The following ERC2 variants were observed in gnomAD, a reference collection of about 807,000 sequenced individuals.
The protein encoded by ERC2 is ELKS/RAB6-interacting/CAST family member 2.
Under a neutral mutation model 114.8 loss-of-function variants are expected in ERC2, and 42 were observed. The ratio of observed to expected loss-of-function variants is 0.37; its 90% CI spans 0.29 to 0.47. The LOEUF (loss-of-function observed/expected upper bound fraction) is 0.47, where lower values mean the gene tolerates loss of function less well. Ranked by LOEUF, ERC2 falls within the 20% of genes least tolerant of loss-of-function variation. The probability of loss-of-function intolerance (pLI) is 0.99; values close to 1 mark genes in which losing one functional copy is unlikely to be tolerated. For missense variants in ERC2, 939 were observed against 1,150.7 expected, an observed-to-expected ratio of 0.82 and a Z score of 2.66; for synonymous variants, 454 against 425.5, an observed-to-expected ratio of 1.07 and a Z score of -0.82.
At chr3:56,460,621 A>G (rs1380011709) in intron 1 of ERC2, among the ~76,000 whole-genome samples, 1 of 152,234 alleles carries the variant, frequency 6.6e-6, no homozygotes, top group African/African-American at 2.4e-5. Flanking sequence ...CATATAACAG[A>G]GCAAACGTAT....
rs764407607 is a variant in ERC2 at position 56,139,503 on chromosome 3, C to T, written c.1473+6G>A. The T allele has an allele frequency of 6.2e-7, 1 of 1,609,556 alleles. No homozygotes were observed. Among genetic ancestry groups the T allele is most frequent in the Admixed American group, 1.7e-5 (1 of 59,414 alleles). ...TGCTGTCTAGAATCCTGAGAGAGTG[C>T]CTTACCTCAGTCTGAAGGATGGCAG... On this transcript the variant is annotated splice_donor_region_variant and intron_variant, in intron 6 of 17. Coordinates refer to ENST00000288221, the MANE Select transcript of ERC2 (RefSeq NM_015576.3).
intron 12 of ERC2, among the ~76,000 whole-genome samples, chr3:55,971,268 G>A (rs1053405617): frequency 3.9e-5 from 6 of 152,082 alleles, no homozygotes; most frequent in African/African-American, 1.2e-4. Context: ...AGAGGGTGGT[G>A]ATGGTTGCAC....
intron 10 of ERC2, among the ~76,000 whole-genome samples, chr3:55,994,647 T>TC (rs36006624): frequency 1.6e-5 from 1 of 61,396 alleles, no homozygotes; most frequent in Non-Finnish European, 2.7e-5. Flanking sequence ...ACATACTCCC[T>TC]AAAAAAAAAA....
At chr3:55,688,280 T>C (rs1272865264) in intron 16 of ERC2, among the ~76,000 whole-genome samples, 1 of 152,176 alleles carries the variant, frequency 6.6e-6, no homozygotes, top group African/African-American at 2.4e-5. Context: ...TGACGGCTTC[T>C]GTGTTTCCTC....
chr3:56,035,451 T>C (rs1560063030), intron 7 of ERC2, among the ~76,000 whole-genome samples: 1 of 152,200 alleles, frequency 6.6e-6, no homozygotes, highest in Non-Finnish European at 1.5e-5. Flanking sequence ...GGAGGGAACA[T>C]GCTATGGTCT....
chr3:56,329,820 A>G (rs2057523792), intron 2 of ERC2, among the ~76,000 whole-genome samples: 2 of 151,102 alleles, frequency 1.3e-5, no homozygotes, highest in African/African-American at 4.9e-5. Context: ...CACTATATGT[A>G]TTTCCACCAT....
intron 14 of ERC2, among the ~76,000 whole-genome samples, chr3:55,882,443 A>G (rs1280278756): frequency 2.0e-5 from 3 of 152,222 alleles, no homozygotes; most frequent in Non-Finnish European, 4.4e-5. Context: ...ATGTTGAGGG[A>G]AATAATCATA....
chr3:55,730,922 G>A (rs1227285200), intron 15 of ERC2, among the ~76,000 whole-genome samples: 2 of 152,184 alleles, frequency 1.3e-5, no homozygotes, highest in African/African-American at 2.4e-5. Flanking sequence ...ACAGAAGACT[G>A]AGCAGGCCAG....
chr3:56,355,326 CTT>C (rs11329878), intron 2 of ERC2, among the ~76,000 whole-genome samples: 291 of 141,014 alleles, frequency 2.1e-3, no homozygotes, highest in African/African-American at 7.0e-3. Context: ...TTTTTTCTTT[CTT>C]TTTTTTTTTT....
chr3:55,692,196 A>C (rs896996446), intron 16 of ERC2, among the ~76,000 whole-genome samples: 26 of 152,130 alleles, frequency 1.7e-4, no homozygotes, highest in African/African-American at 5.6e-4. Context: ...GCAGAGCATC[A>C]ATCAGAAAAG....
intron 2 of ERC2, among the ~76,000 whole-genome samples, chr3:56,338,490 C>T (rs1370954294): frequency 1.3e-5 from 2 of 152,158 alleles, no homozygotes; most frequent in East Asian, 1.9e-4. Context: ...AGAAGATGGG[C>T]CTGCCACCTG....
chr3:55,746,940 A>C (rs2066347698), intron 14 of ERC2, among the ~76,000 whole-genome samples: 1 of 152,200 alleles, frequency 6.6e-6, no homozygotes, highest in Non-Finnish European at 1.5e-5. Flanking sequence ...ATGCTCAAAG[A>C]TGCAATTCTT....
intron 15 of ERC2, among the ~76,000 whole-genome samples, chr3:55,705,020 C>G (rs1227365594): frequency 6.6e-6 from 1 of 152,154 alleles, no homozygotes; most frequent in Admixed American, 6.5e-5. Context: ...AACTCAAACC[C>G]AGATGTCTGA....
intron 15 of ERC2, among the ~76,000 whole-genome samples, chr3:55,708,979 C>T (rs1486361159): frequency 2.0e-5 from 3 of 152,148 alleles, no homozygotes; most frequent in African/African-American, 7.2e-5. Flanking sequence ...GAGATTCGGA[C>T]TCTAGAATTG....
rs576642726 is a variant in ERC2 at position 56,222,969 on chromosome 3, T to C, written c.1075-49449A>G. Among the ~76,000 whole-genome samples, 4 of 152,330 alleles carry C rather than the reference T, an allele frequency of 2.6e-5. No individual in the cohort carries two copies. In the South Asian group the frequency reaches 6.2e-4, roughly 24 times the overall value. ...CGTTGGCTTCGTATTGAGACCATCA[T>C]ACTTGTCTCCTCCCTCTATCTGCTC... On this transcript the variant is annotated intron_variant, in intron 3 of 17. Coordinates refer to ENST00000288221, the MANE Select transcript of ERC2 (RefSeq NM_015576.3).
intron 13 of ERC2, among the ~76,000 whole-genome samples, chr3:55,901,636 GATTA>G (rs1243098145): frequency 6.6e-6 from 1 of 152,162 alleles, no homozygotes; most frequent in Non-Finnish European, 1.5e-5. Flanking sequence ...TCACCTTAAG[GATTA>G]ATTAAGTCAG....
intron 13 of ERC2, among the ~76,000 whole-genome samples, chr3:55,947,938 G>C (rs2067236967): frequency 1.3e-5 from 2 of 152,176 alleles, no homozygotes. Flanking sequence ...GAAGACATTT[G>C]AGTTTGCAAT....
chr3:56,089,724 G>A (rs539352677), intron 6 of ERC2, among the ~76,000 whole-genome samples: 1 of 152,184 alleles, frequency 6.6e-6, no homozygotes, highest in South Asian at 2.1e-4. Flanking sequence ...TCAACCCTTG[G>A]AATGGAATCC....
At chr3:55,783,294 C>T (rs980224576) in intron 14 of ERC2, among the ~76,000 whole-genome samples, 5 of 152,204 alleles carry the variant, frequency 3.3e-5, no homozygotes, top group African/African-American at 1.2e-4. Flanking sequence ...GGCCCAGTAA[C>T]CAGCCTGGGC....
Sources: gnomAD v4.1 joint callset for allele counts (sites outside exome capture counted in the v4.1 genomes callset) on GRCh38, gnomAD v4.1.1 for gene constraint, MANE v1.5 for transcripts, NCBI Gene and HGNC (gene_info 2026-07-23, HGNC 2026-07-21) for gene names.